The following CNTNAP2 variants were observed in gnomAD, a reference collection of about 807,000 sequenced individuals.
The protein encoded by CNTNAP2 is contactin associated protein 2.
A neutral mutation model predicts 155.2 loss-of-function variants in CNTNAP2; 98 were observed. That is an observed-to-expected ratio of 0.63 (90% CI 0.54 to 0.75). The LOEUF (loss-of-function observed/expected upper bound fraction) is 0.75, where lower values mean the gene tolerates loss of function less well. Among genes scored for constraint, CNTNAP2 ranks in the 30% least tolerant of loss-of-function variants. CNTNAP2 has a pLI of 0.00. For missense variants in CNTNAP2, 1,727 were observed against 1,688.1 expected, an observed-to-expected ratio of 1.02 and a Z score of -0.40; for synonymous variants, 651 against 631.2, an observed-to-expected ratio of 1.03 and a Z score of -0.47.
At chr7:146,285,163 CCTTTA>C (rs1214183973) in intron 1 of CNTNAP2, among the ~76,000 whole-genome samples, 1 of 151,960 alleles carries the variant, frequency 6.6e-6, no homozygotes, top group Non-Finnish European at 1.5e-5. Context: ...AATTGTCCTC[CCTTTA>C]CTTTAAGTAG....
chr7:146,692,165 C>G (rs1405068795), intron 1 of CNTNAP2, among the ~76,000 whole-genome samples: 1 of 152,138 alleles, frequency 6.6e-6, no homozygotes, highest in African/African-American at 2.4e-5. Context: ...TAGTCTTCTA[C>G]ATTTCCTTTT....
chr7:147,603,834 A>G (rs1296498631), intron 12 of CNTNAP2, among the ~76,000 whole-genome samples: 2 of 152,190 alleles, frequency 1.3e-5, no homozygotes, highest in African/African-American at 4.8e-5. Flanking sequence ...CTACAAGGCT[A>G]CAGTAACCAA....
intron 15 of CNTNAP2, among the ~76,000 whole-genome samples, chr7:148,102,203 T>C (rs1248587109): frequency 6.6e-6 from 1 of 152,212 alleles, no homozygotes; most frequent in African/African-American, 2.4e-5. Context: ...ATCATTTAAC[T>C]CCCACTTATA....
chr7:146,598,955 C>G (rs1398239869), intron 1 of CNTNAP2, among the ~76,000 whole-genome samples: 1 of 152,080 alleles, frequency 6.6e-6, no homozygotes, highest in Non-Finnish European at 1.5e-5. Context: ...CCCCAAAAGC[C>G]TCTTTGTTCC....
intron 1 of CNTNAP2, among the ~76,000 whole-genome samples, chr7:146,361,388 A>G (rs1053247721): frequency 6.6e-6 from 1 of 152,154 alleles, no homozygotes; most frequent in African/African-American, 2.4e-5. Flanking sequence ...CCCCACGTGT[A>G]CCAAGGGACT....
At chr7:146,363,193 T>C (rs1795109407) in intron 1 of CNTNAP2, among the ~76,000 whole-genome samples, 1 of 152,192 alleles carries the variant, frequency 6.6e-6, no homozygotes, top group Non-Finnish European at 1.5e-5. Flanking sequence ...TCTTATGACA[T>C]AGAACTAAAG....
At chr7:146,575,167 A>G (rs1798504947) in intron 1 of CNTNAP2, among the ~76,000 whole-genome samples, 1 of 152,134 alleles carries the variant, frequency 6.6e-6, no homozygotes. Context: ...CCCAGGGTGG[A>G]GTGCAGTGGT....
intron 18 of CNTNAP2, among the ~76,000 whole-genome samples, chr7:148,179,068 G>A (rs187540107): frequency 6.6e-6 from 1 of 152,314 alleles, no homozygotes; most frequent in East Asian, 1.9e-4. Context: ...TCTGGAAGAT[G>A]CAACTGGAAA....
chr7:146,803,881 C>A (rs990998626), intron 2 of CNTNAP2, among the ~76,000 whole-genome samples: 2 of 152,108 alleles, frequency 1.3e-5, no homozygotes, highest in South Asian at 2.1e-4. Flanking sequence ...TTCTTCATCC[C>A]GTTTTCCTGT....
At chr7:147,948,734 C>T (rs1293692366) in intron 14 of CNTNAP2, among the ~76,000 whole-genome samples, 5 of 151,126 alleles carry the variant, frequency 3.3e-5, no homozygotes, top group Admixed American at 2.6e-4. Flanking sequence ...ATGTCCTGCA[C>T]AGTCAAAAAT....
At chr7:148,002,326 G>T (rs540050934) in intron 15 of CNTNAP2, among the ~76,000 whole-genome samples, 1 of 152,142 alleles carries the variant, frequency 6.6e-6, no homozygotes, top group African/African-American at 2.4e-5. Context: ...TTGATAGACT[G>T]AATATATATT....
At chr7:147,556,672 T>A (rs1010468523) in intron 11 of CNTNAP2, among the ~76,000 whole-genome samples, 16 of 152,088 alleles carry the variant, frequency 1.1e-4, no homozygotes, top group African/African-American at 3.6e-4. Flanking sequence ...AAAAGGCAAG[T>A]ATATAGATTT....
chr7:147,491,107 AAAAT>A (rs987523171), intron 11 of CNTNAP2, among the ~76,000 whole-genome samples: 13 of 152,166 alleles, frequency 8.5e-5, no homozygotes, highest in African/African-American at 3.1e-4. Context: ...GCAGGTATCT[AAAAT>A]AAAATTTAGA....
At position 147,455,763 on chromosome 7, in the gene CNTNAP2, G is replaced by A. The variant is rs1004745683; in HGVS notation, c.1671-30172G>A. 4.6e-5 allele frequency among the ~76,000 whole-genome samples: 7 copies of A among 152,070 alleles called. No individual in the cohort carries two copies. The South Asian group carries it at 6.2e-4, about 14-fold the overall frequency. ...GACCACTCTCACCAGAGTGCCAATCGAAAGTCTTCAATAAAATAACACTAA... is the reference window on the plus strand; with the variant it reads ...GACCACTCTCACCAGAGTGCCAATCAAAAGTCTTCAATAAAATAACACTAA... On this transcript the variant is annotated intron_variant, in intron 10 of 23. Transcript: ENST00000361727.
chr7:147,176,806 TAATA>T (rs1229066440), intron 8 of CNTNAP2, among the ~76,000 whole-genome samples: 1 of 124,792 alleles, frequency 8.0e-6, no homozygotes, highest in African/African-American at 3.1e-5. Context: ...TTATAATATA[TAATA>T]GATATAGAAT....
intron 12 of CNTNAP2, among the ~76,000 whole-genome samples, chr7:147,578,718 A>G (rs532480932): frequency 6.6e-6 from 1 of 152,092 alleles, no homozygotes; most frequent in African/African-American, 2.4e-5. Flanking sequence ...ATAAAAAATT[A>G]TGGGATTTAT....
At chr7:147,601,880 C>G (rs1351512099) in intron 12 of CNTNAP2, among the ~76,000 whole-genome samples, 4 of 151,694 alleles carry the variant, frequency 2.6e-5, no homozygotes, top group African/African-American at 9.7e-5. Flanking sequence ...CTTTCTTTCT[C>G]TGTTTCTCTT....
chr7:146,947,402 C>CTA (rs1797199826), intron 3 of CNTNAP2, among the ~76,000 whole-genome samples: 1 of 131,574 alleles, frequency 7.6e-6, no homozygotes, highest in Non-Finnish European at 1.6e-5. Context: ...CTCTCTCTCT[C>CTA]TCTCTCTCTA....
chr7:147,475,091 AG>A (rs1265983608), intron 10 of CNTNAP2, among the ~76,000 whole-genome samples: 2 of 152,188 alleles, frequency 1.3e-5, no homozygotes, highest in African/African-American at 2.4e-5. Context: ...AATGGCTGTC[AG>A]GGGTTACATT....
Sources: allele counts gnomAD v4.1 joint callset (sites outside exome capture counted in the v4.1 genomes callset), GRCh38; gene constraint gnomAD v4.1.1; transcripts MANE v1.5; gene names NCBI Gene and HGNC (gene_info 2026-07-23, HGNC 2026-07-21).